Variants in HS1BP3 observed in about 807,000 individuals in gnomAD.
HS1BP3 encodes HCLS1-binding protein 3.
In HS1BP3, 32 loss-of-function variants were observed where a neutral mutation model predicts 33.5. The ratio of observed to expected loss-of-function variants is 0.95; its 90% CI spans 0.72 to 1.28. HS1BP3 has a LOEUF of 1.28. Among genes scored for constraint, HS1BP3 ranks in the 50% most tolerant of loss-of-function variants. HS1BP3 has a pLI of 0.00. For synonymous variants in HS1BP3, 187 were observed against 209.2 expected (o/e 0.89, Z 0.92); for missense variants, 486 against 502.3 (o/e 0.97, Z 0.31).
intron 5 of HS1BP3, among the ~76,000 whole-genome samples, chr2:20,582,136 A>T (rs983353170): frequency 6.6e-6 from 1 of 152,184 alleles, no homozygotes; most frequent in Admixed American, 6.5e-5. Flanking sequence ...CGGTGCCCCC[A>T]CACCAAGGAG....
chr2:20,624,687 G>A, intron 5 of HS1BP3, 45 bp downstream of exon 5: 1 of 1,534,322 alleles, frequency 6.5e-7, no homozygotes. Flanking sequence ...TGATGGGGCT[G>A]GGCACCGAGA....
intron 4 of HS1BP3, among the ~76,000 whole-genome samples, chr2:20,629,818 T>A (rs975771433): frequency 6.6e-6 from 1 of 151,840 alleles, no homozygotes; most frequent in Admixed American, 6.6e-5. Context: ...GCATACGGGG[T>A]GAGAGGCGGC....
chr2:20,588,112 T>G (rs111268344), downstream of HS1BP3, among the ~76,000 whole-genome samples: 1 of 149,830 alleles, frequency 6.7e-6, no homozygotes, highest in African/African-American at 2.5e-5. Context: ...TGGACTTGTC[T>G]CTCCAAGATG....
At chr2:20,556,599 C>T (rs966664447), downstream of HS1BP3, among the ~76,000 whole-genome samples, 1 of 152,172 alleles carries the variant, frequency 6.6e-6, no homozygotes, top group African/African-American at 2.4e-5. Context: ...ATTACAAAAA[C>T]AGTACCAGGT....
chr2:20,600,966 C>T (rs1326717826), intron 2 of HS1BP3, among the ~76,000 whole-genome samples: 2 of 152,268 alleles, frequency 1.3e-5, no homozygotes, highest in East Asian at 1.9e-4. Flanking sequence ...GGCACTGTTT[C>T]GGAGAGTTAA....
chr2:20,557,999 C>T (rs1422808118), downstream of HS1BP3, among the ~76,000 whole-genome samples: 2 of 152,240 alleles, frequency 1.3e-5, no homozygotes, highest in Non-Finnish European at 2.9e-5. Flanking sequence ...CTGGCTGCCC[C>T]TCGAAAGAGC....
downstream of HS1BP3, among the ~76,000 whole-genome samples, chr2:20,613,942 A>C (rs1694365273): frequency 1.3e-5 from 2 of 152,232 alleles, no homozygotes; most frequent in South Asian, 4.1e-4. Context: ...AGGTGCTCCT[A>C]TTTGGAAATA....
chr2:20,573,503 G>A (rs532646994), intron 5 of HS1BP3, among the ~76,000 whole-genome samples: 2 of 152,294 alleles, frequency 1.3e-5, no homozygotes, highest in African/African-American at 4.8e-5. Flanking sequence ...CAGGTTTTGA[G>A]TTGTCATTTT....
intron 5 of HS1BP3, among the ~76,000 whole-genome samples, chr2:20,561,432 A>G (rs1357774191): frequency 6.6e-6 from 1 of 152,236 alleles, no homozygotes; most frequent in Non-Finnish European, 1.5e-5. Context: ...GCCTGACCAC[A>G]GTAGGGCCTC....
intron 2 of HS1BP3, among the ~76,000 whole-genome samples, chr2:20,608,850 C>T (rs1167227460): frequency 1.3e-5 from 2 of 152,134 alleles, no homozygotes; most frequent in Admixed American, 6.5e-5. Flanking sequence ...GAGTTTTTTG[C>T]GGAGTTCCTA....
At chr2:20,605,897 G>A (rs1007147925) in intron 2 of HS1BP3, among the ~76,000 whole-genome samples, 1 of 152,292 alleles carries the variant, frequency 6.6e-6, no homozygotes, top group South Asian at 2.1e-4. Flanking sequence ...TGTGAATAGT[G>A]CCACTAGGAA....
intron 5 of HS1BP3, among the ~76,000 whole-genome samples, chr2:20,567,254 C>T (rs1693152886): frequency 6.6e-6 from 1 of 152,178 alleles, no homozygotes; most frequent in Non-Finnish European, 1.5e-5. Flanking sequence ...GACCCCCGGA[C>T]TCAAGTTCCT....
At chr2:20,584,813 G>A (rs1693641147) in intron 5 of HS1BP3, among the ~76,000 whole-genome samples, 1 of 152,152 alleles carries the variant, frequency 6.6e-6, no homozygotes. Context: ...GGTTTGGAAG[G>A]GATGAGGGCT....
chr2:20,556,542 G>A (rs1039433764), downstream of HS1BP3, among the ~76,000 whole-genome samples: 2 of 152,182 alleles, frequency 1.3e-5, no homozygotes, highest in Middle Eastern at 3.4e-3. Context: ...TATGACTTCT[G>A]GGCTTTGTCT....
rs554128217 is a variant in HS1BP3 at position 20,579,562 on chromosome 2, G to A, written c.303-19047C>T. On this transcript the variant is annotated intron_variant, in intron 5 of 5. Coordinates refer to the HS1BP3 transcript ENST00000446825. ...CCATTGTTTGCCTTGGAAGCCCCCCGGCATACCAGGCTCAATGGGGTCATT... is the reference window on the plus strand; with the variant it reads ...CCATTGTTTGCCTTGGAAGCCCCCCAGCATACCAGGCTCAATGGGGTCATT... Among the ~76,000 whole-genome samples the A allele has an allele frequency of 2.0e-4, 30 of 152,320 alleles. No individual in the cohort carries two copies. In the South Asian group the frequency reaches 3.7e-3, roughly 19 times the overall value.
chr2:20,582,567 TC>T (rs1693559688), intron 5 of HS1BP3, among the ~76,000 whole-genome samples: 1 of 151,866 alleles, frequency 6.6e-6, no homozygotes, highest in Admixed American at 6.6e-5. Context: ...CAGGCAGTGC[TC>T]CCCCTCATGT....
chr2:20,567,903 C>T (rs1249876352), intron 5 of HS1BP3, among the ~76,000 whole-genome samples: 3 of 152,162 alleles, frequency 2.0e-5, no homozygotes. Context: ...CCACAGCTGG[C>T]CCCCAGCACC....
chr2:20,574,184 G>T (rs535619023), intron 5 of HS1BP3, among the ~76,000 whole-genome samples: 1 of 152,162 alleles, frequency 6.6e-6, no homozygotes. Context: ...AGATGGAAGC[G>T]CTGGAACAGA....
chr2:20,580,996 C>T (rs1308021923), intron 5 of HS1BP3, among the ~76,000 whole-genome samples: 2 of 152,226 alleles, frequency 1.3e-5, no homozygotes, highest in South Asian at 2.1e-4. Context: ...CATGCAGATG[C>T]CAGCTTGTCA....
Sources: gnomAD v4.1 joint callset for allele counts (sites outside exome capture counted in the v4.1 genomes callset) on GRCh38, gnomAD v4.1.1 for gene constraint, MANE v1.5 for transcripts, NCBI Gene and HGNC (gene_info 2026-07-23, HGNC 2026-07-21) for gene names.